Variants in EIF2AK4 observed in about 807,000 individuals in gnomAD.
EIF2AK4 encodes the protein eukaryotic translation initiation factor 2 alpha kinase 4.
A neutral mutation model predicts 211.1 loss-of-function variants in EIF2AK4; 139 were observed. The ratio of observed to expected loss-of-function variants is 0.66; its 90% confidence interval spans 0.57 to 0.76. The LOEUF (loss-of-function observed/expected upper bound fraction) is 0.76, where lower values mean the gene tolerates loss of function less well. EIF2AK4 is among the 30% of genes least tolerant of loss of function. The pLI is 0.00. For missense variants in EIF2AK4, 1,664 were observed against 2,043.8 expected (o/e 0.81, Z 3.58); for synonymous variants, 710 against 751.3 (o/e 0.94, Z 0.90).
chr15:39,990,513 G>A (rs1174577837), intron 16 of EIF2AK4, 136 bp downstream of exon 16: 3 of 731,606 alleles, frequency 4.1e-6, no homozygotes, highest in African/African-American at 3.6e-5. Context: ...AAACCTGAAG[G>A]GGTATGCTGC....
intron 15 of EIF2AK4, among the ~76,000 whole-genome samples, chr15:39,989,296 T>C (rs1595412558): frequency 1.3e-5 from 2 of 152,246 alleles, no homozygotes; most frequent in South Asian, 2.1e-4. Flanking sequence ...ATTCATTATT[T>C]TTTTCCTTTG....
At position 39,961,842 on chromosome 15, in the gene EIF2AK4, C is replaced by G; in HGVS notation, c.802C>G (p.Leu268Val). The G allele has an allele frequency of 6.2e-7, 1 of 1,614,106 alleles. No individual in the cohort carries two copies. Among genetic ancestry groups the G allele is most frequent in the Non-Finnish European group, 8.5e-7 (1 of 1,180,016 alleles). The change falls in exon 7 of 39, where the codon CTG becomes GTG. Residue 268 changes from leucine (L) to valine (V), a missense_variant. Physicochemically the swap from Leu to Val is conservative, Grantham distance 32. Around this residue, in one of 7 missense-constraint regions of EIF2AK4, gnomAD observed 641 missense variants for 729.6 expected, o/e 0.88. Coordinates refer to ENST00000263791, the MANE Select transcript of EIF2AK4 (RefSeq NM_001013703.4). Reference sequence around the variant, plus strand: ...AGATTCTCCTGGCTCTTGTGAAATTCTGTATTTCAATATGGGGAGTCCTGA... The same window carrying G: ...AGATTCTCCTGGCTCTTGTGAAATTGTGTATTTCAATATGGGGAGTCCTGA... ...SEDSPGSCEI[L>V]YFNMGSPDQL...
chr15:39,937,676 A>G (rs1027759738), intron 1 of EIF2AK4, among the ~76,000 whole-genome samples: 2 of 151,582 alleles, frequency 1.3e-5, no homozygotes, highest in Non-Finnish European at 2.9e-5. Context: ...TAACTTGTTC[A>G]TGACTTCGTT....
Position 40,016,511 on chromosome 15 carries a change from C to G in EIF2AK4, c.3769C>G (p.Leu1257Val), listed in dbSNP as rs746048737. The change falls in exon 28 of 39, where the codon CTC becomes GTC. Residue 1257 changes from leucine to valine, a missense_variant. Physicochemically the swap from Leu to Val is conservative, Grantham distance 32. Coordinates refer to ENST00000263791, the MANE Select transcript of EIF2AK4 (RefSeq NM_001013703.4). ...LSLSSNSLCR[L>V]YKFIEQKGDL... Reference sequence around the variant, plus strand: ...CCCCTTTGCTTTCCAGCTGTGTCGACTCTACAAGTTTATTGAACAGAAGGG... The same window carrying G: ...CCCCTTTGCTTTCCAGCTGTGTCGAGTCTACAAGTTTATTGAACAGAAGGG... 1 of 1,614,124 alleles carries G rather than the reference C, an allele frequency of 6.2e-7. No homozygotes were observed. The highest frequency in any genetic ancestry group is 1.1e-5 in the South Asian group (1 of 91,074).
chr15:40,004,106 G>T (rs1288904823), intron 23 of EIF2AK4, among the ~76,000 whole-genome samples: 5 of 152,244 alleles, frequency 3.3e-5, no homozygotes, highest in Non-Finnish European at 5.9e-5. Flanking sequence ...ATGTTATCCA[G>T]AGATGACAGG....
chr15:39,943,332 T>C (rs1467015974), intron 2 of EIF2AK4, 51 bp from the exon 3 acceptor site: 17 of 1,409,412 alleles, frequency 1.2e-5, no homozygotes, highest in Non-Finnish European at 1.5e-5. Context: ...GCAAACAGGC[T>C]ATACTTTCTG....
At chr15:40,033,019 T>C (rs1411479528) in intron 37 of EIF2AK4, among the ~76,000 whole-genome samples, 1 of 152,206 alleles carries the variant, frequency 6.6e-6, no homozygotes, top group Non-Finnish European at 1.5e-5. Flanking sequence ...AGATACTTAT[T>C]TTATTAAAAA....
At chr15:39,989,779 C>A (rs1347619639) in intron 15 of EIF2AK4, among the ~76,000 whole-genome samples, 2 of 152,190 alleles carry the variant, frequency 1.3e-5, no homozygotes, top group Non-Finnish European at 1.5e-5. Context: ...TTGTTGCACA[C>A]CTACTGTGTG....
chr15:40,033,029 A>C (rs2035564379), intron 37 of EIF2AK4, among the ~76,000 whole-genome samples: 1 of 152,226 alleles, frequency 6.6e-6, no homozygotes, highest in East Asian at 1.9e-4. Context: ...TTTATTAAAA[A>C]CAAAAAACAA....
intron 6 of EIF2AK4, among the ~76,000 whole-genome samples, chr15:39,959,310 G>T (rs887900873): frequency 3.9e-5 from 6 of 152,210 alleles, no homozygotes; most frequent in African/African-American, 1.4e-4. Flanking sequence ...CAGGTAGACA[G>T]TATAAGCATC....
In EIF2AK4 at chr15:40,025,909, T is replaced by C. The variant is rs947334958; in HGVS notation, c.4390-68T>C. On this transcript the variant is annotated intron_variant, in intron 32 of 38. Coordinates refer to ENST00000263791, the MANE Select transcript of EIF2AK4 (RefSeq NM_001013703.4). Reference sequence around the variant, plus strand: ...AACTATTGATTTAGTAGTCTTACTGTGGTGCTCTGAGCTAGTCTTCTGGGT... The same window carrying C: ...AACTATTGATTTAGTAGTCTTACTGCGGTGCTCTGAGCTAGTCTTCTGGGT... 6.3e-6 allele frequency: 9 copies of C among 1,438,242 alleles called. No individual in the cohort carries two copies. In the Admixed American group the frequency reaches 1.1e-4, roughly 17 times the overall value. The allele number at this position is 1,438,242 out of a possible 1,614,324, so 89.1% of individuals were successfully genotyped here.
At position 39,949,118 on chromosome 15, in the gene EIF2AK4, G is replaced by A. The variant is rs1256855853; in HGVS notation, c.363G>A (p.Val121=). Residue 121 remains valine, a splice_region_variant and synonymous_variant, in exon 4 of 39, where the codon GTG becomes GTA. Transcript: ENST00000263791. ...TTGATTTTTGTTTACATGTTTAGGT[G>A]ATGATCTTTGAACTGGCTTACCACG... The part of the protein sequence containing the change: ...EELAKKHCGE[V]MIFELAYHVQ... 6.8e-6 allele frequency: 11 copies of A among 1,612,424 alleles called. No individual in the cohort carries two copies. Among genetic ancestry groups the A allele is most frequent in the East Asian group, 4.5e-5 (2 of 44,838 alleles).
In EIF2AK4 at chr15:39,934,142, C is replaced by G. The variant is rs1361831742; in HGVS notation, c.-54C>G. On this transcript the variant is annotated 5_prime_UTR_variant, in exon 1 of 39. Coordinates refer to ENST00000263791, the MANE Select transcript of EIF2AK4 (RefSeq NM_001013703.4). Reference sequence around the variant, plus strand: ...CGCGGAGCCCCGCCCCGCAGGCTGCCGGGGGCCCACCGCCGCCCAGGCAAG... The same window carrying G: ...CGCGGAGCCCCGCCCCGCAGGCTGCGGGGGGCCCACCGCCGCCCAGGCAAG... 2 of 1,253,344 alleles carry G rather than the reference C, an allele frequency of 1.6e-6. No homozygotes were observed. Among genetic ancestry groups the G allele is most frequent in the South Asian group, 3.2e-5 (1 of 31,398 alleles). 77.6% of individuals were successfully genotyped at this position (1,253,344 alleles called of 1,614,324 possible). A position where few individuals can be genotyped will look rare whatever the true frequency, so the allele number is the denominator to read the frequency against.
At chr15:40,025,910 G>A in intron 32 of EIF2AK4, 67 bp from the exon 33 acceptor site, 1 of 1,444,708 alleles carries the variant, frequency 6.9e-7, no homozygotes, top group Non-Finnish European at 9.6e-7. Flanking sequence ...GTCTTACTGT[G>A]GTGCTCTGAG....
intron 26 of EIF2AK4, among the ~76,000 whole-genome samples, 185 bp from the exon 27 acceptor site, chr15:40,011,096 G>T (rs1409965294): frequency 6.8e-6 from 1 of 146,384 alleles, no homozygotes; most frequent in Non-Finnish European, 1.5e-5. Context: ...TTTAAAATAA[G>T]TTAATTACGG....
At chr15:39,992,129 A>G (rs369090160) in intron 16 of EIF2AK4, 46 bp from the exon 17 acceptor site, 1 of 1,538,648 alleles carries the variant, frequency 6.5e-7, no homozygotes, top group Non-Finnish European at 8.9e-7. Flanking sequence ...TTCTCATGGA[A>G]TAATATCATG....
At chr15:39,998,651 G>T in intron 19 of EIF2AK4, 80 bp from the exon 20 acceptor site, 3 of 1,130,248 alleles carry the variant, frequency 2.7e-6, no homozygotes, top group South Asian at 1.4e-5. Context: ...TTCTGTATTT[G>T]ATTTTCTTAC....
intron 23 of EIF2AK4, among the ~76,000 whole-genome samples, chr15:40,005,324 G>T (rs1211647909): frequency 3.9e-5 from 6 of 151,900 alleles, no homozygotes; most frequent in Admixed American, 3.9e-4. Flanking sequence ...AAATTTCAAA[G>T]GAACTCTATT....
At chr15:39,934,597 A>C (rs1006062409) in intron 1 of EIF2AK4, among the ~76,000 whole-genome samples, 1 of 152,092 alleles carries the variant, frequency 6.6e-6, no homozygotes, top group African/African-American at 2.4e-5. Context: ...CTTACCTGGC[A>C]CTGCTTCTTA....
Sources: gnomAD v4.1 joint callset for allele counts (sites outside exome capture counted in the v4.1 genomes callset) on GRCh38, gnomAD v4.1.1 for gene constraint, gnomAD v4.1.1 regional missense constraint, MANE v1.5 for transcripts, NCBI Gene and HGNC (gene_info 2026-07-23, HGNC 2026-07-21) for gene names.